The following PCDH15 variants were observed in gnomAD, a reference collection of about 807,000 sequenced individuals.
PCDH15 encodes protocadherin related 15, also known as protocadherin-15.
In PCDH15, 129 loss-of-function variants were observed where a neutral mutation model predicts 178.5. That is an observed-to-expected ratio of 0.72 (90% CI 0.63 to 0.84). PCDH15 has a LOEUF of 0.84. Ranked by LOEUF, PCDH15 falls within the 40% of genes least tolerant of loss-of-function variation. The pLI, the probability that PCDH15 is intolerant of heterozygous loss-of-function variation, is 0.00. For missense variants in PCDH15, 2,230 were observed against 2,099.9 expected (o/e 1.06, Z -1.21); for synonymous variants, 800 against 732.0 (o/e 1.09, Z -1.50).
intron 2 of PCDH15, chr10:55,468,419 T>G (rs1839885903): frequency 6.6e-6 from 1 of 152,182 alleles, no homozygotes; most frequent in Non-Finnish European, 1.5e-5. Context: ...ATTTCCTACC[T>G]CCTTGCAGGG....
intron 2 of PCDH15, among the ~76,000 whole-genome samples, chr10:55,023,954 A>G (rs1394722647): frequency 6.7e-6 from 1 of 149,412 alleles, no homozygotes. Context: ...TTACATCTGA[A>G]TCAGAGAAAG....
At chr10:54,705,372 G>A (rs1398935623) in intron 1 of PCDH15, among the ~76,000 whole-genome samples, 1 of 152,024 alleles carries the variant, frequency 6.6e-6, no homozygotes, top group Non-Finnish European at 1.5e-5. Context: ...ACTGTCATTT[G>A]AATGTGGTAG....
At chr10:54,420,041 G>GA (rs973986309) in intron 3 of PCDH15, among the ~76,000 whole-genome samples, 1 of 151,978 alleles carries the variant, frequency 6.6e-6, no homozygotes, top group Admixed American at 6.6e-5. Flanking sequence ...ATTTCACACA[G>GA]AAAAATCAAC....
rs1949514677 is a variant in PCDH15, at chr10:54,774,813, C to G, written c.-29+26112G>C. ...TAGGTAAGTCATTATTAGGGGCTTA[C>G]TACTTTCAGTACCTGACATTTACTC... On this transcript the variant is annotated intron_variant, in intron 1 of 37. Coordinates refer to ENST00000644397, the MANE Select transcript of PCDH15 (RefSeq NM_001384140.1). Among the ~76,000 whole-genome samples the G allele has an allele frequency of 2.6e-5, 4 of 152,206 alleles. No individual in the cohort carries two copies. The South Asian group carries it at 8.3e-4, about 32-fold the overall frequency.
intron 2 of PCDH15, among the ~76,000 whole-genome samples, chr10:55,590,547 T>C (rs1483828904): frequency 6.6e-6 from 1 of 152,182 alleles, no homozygotes; most frequent in African/African-American, 2.4e-5. Context: ...TAGACTTATA[T>C]GCTTCTGCCA....
intron 9 of PCDH15, among the ~76,000 whole-genome samples, chr10:54,217,988 T>G (rs746667872): frequency 9.2e-5 from 14 of 152,316 alleles, no homozygotes; most frequent in Non-Finnish European, 1.9e-4. Flanking sequence ...CAGTAATGAT[T>G]TGAAACAGAT....
At chr10:54,678,787 T>C (rs1013552649) in intron 1 of PCDH15, among the ~76,000 whole-genome samples, 10 of 152,278 alleles carry the variant, frequency 6.6e-5, no homozygotes, top group South Asian at 6.2e-4. Flanking sequence ...ATAACATCTA[T>C]ATATGGCAGG....
rs1590565372 is a variant in PCDH15, at chr10:54,617,422, T to C, written c.91+46750A>G. On this transcript the variant is annotated intron_variant, in intron 2 of 37. Coordinates refer to ENST00000644397, the MANE Select transcript of PCDH15 (RefSeq NM_001384140.1). Reference sequence around the variant, plus strand: ...CAAAGCCATCTTACTCAGAAGTAAATTATGTTAATATACAATAAAGAGAAC... The same window carrying C: ...CAAAGCCATCTTACTCAGAAGTAAACTATGTTAATATACAATAAAGAGAAC... Among the ~76,000 whole-genome samples, 4 of 152,176 alleles carry C rather than the reference T, an allele frequency of 2.6e-5. No individual in the cohort carries two copies. In the South Asian group the frequency reaches 8.3e-4, roughly 32 times the overall value.
In PCDH15 at chr10:55,415,953, C is replaced by T. The variant is rs1470183535; in HGVS notation, c.-156+211672G>A. On this transcript the variant is annotated intron_variant, in intron 2 of 5. Transcript: ENST00000613346. ...TTTTTTTTCTCAAATTTGCTTTTGT[C>T]GATAGCAAATTTCAAGTTTCAAAAA... Among the ~76,000 whole-genome samples the T allele has an allele frequency of 2.0e-5, 3 of 150,854 alleles. No individual in the cohort carries two copies. The East Asian group carries it at 5.8e-4, about 29-fold the overall frequency.
chr10:55,622,548 TC>T (rs1837428779), intron 2 of PCDH15, among the ~76,000 whole-genome samples: 1 of 152,068 alleles, frequency 6.6e-6, no homozygotes, highest in African/African-American at 2.4e-5. Flanking sequence ...TAGGATGCAG[TC>T]CAGAAACATC....
intron 3 of PCDH15, among the ~76,000 whole-genome samples, chr10:54,426,934 A>T (rs1956338386): frequency 6.6e-6 from 1 of 152,126 alleles, no homozygotes; most frequent in African/African-American, 2.4e-5. Flanking sequence ...CAAAAGCAAT[A>T]TTTGTTGAGT....
chr10:54,018,170 C>A (rs1047230564), intron 20 of PCDH15, among the ~76,000 whole-genome samples: 2 of 152,030 alleles, frequency 1.3e-5, no homozygotes, highest in African/African-American at 4.8e-5. Context: ...TTCCTTAGGA[C>A]CCTGGATACA....
At chr10:54,112,150 T>A (rs60626392) in intron 15 of PCDH15, among the ~76,000 whole-genome samples, 13,211 of 151,190 alleles carry the variant, frequency 0.087, 1,145 homozygotes, top group African/African-American at 0.22. Flanking sequence ...TCAAAATAAA[T>A]AAATAAATAA....
intron 2 of PCDH15, among the ~76,000 whole-genome samples, chr10:55,033,061 A>G (rs925815470): frequency 3.3e-5 from 5 of 152,062 alleles, no homozygotes; most frequent in Admixed American, 2.0e-4. Context: ...AGCAGAGTGC[A>G]TGAGCTGTGG....
chr10:54,349,750 G>A (rs917366025), intron 5 of PCDH15, among the ~76,000 whole-genome samples: 1 of 152,032 alleles, frequency 6.6e-6, no homozygotes, highest in African/African-American at 2.4e-5. Context: ...AAATATACTT[G>A]CTGATGAAGC....
chr10:54,548,800 T>C (rs967561948), intron 2 of PCDH15, among the ~76,000 whole-genome samples: 1 of 151,208 alleles, frequency 6.6e-6, no homozygotes, highest in African/African-American at 2.4e-5. Context: ...CTGAAGAACA[T>C]TGTAATTTTG....
intron 1 of PCDH15, among the ~76,000 whole-genome samples, chr10:55,241,001 G>A (rs1841527073): frequency 6.6e-6 from 1 of 152,160 alleles, no homozygotes; most frequent in African/African-American, 2.4e-5. Context: ...CGGATCACGA[G>A]GTCAGGAGAT....
chr10:55,596,410 A>G lies in PCDH15; in HGVS notation c.-156+31215T>C, dbSNP rs568359430. On this transcript the variant is annotated intron_variant, in intron 2 of 5. Transcript: ENST00000613346. ...TCACTGTATTTTAGAAAAATTGTAA[A>G]GTATTTCAAATAATGAGTAAAGTTT... 1.5e-4 allele frequency among the ~76,000 whole-genome samples: 23 copies of G among 152,238 alleles called. No homozygotes were observed. The South Asian group carries it at 4.8e-3, about 32-fold the overall frequency.
At chr10:54,190,753 A>G (rs1249301840) in intron 11 of PCDH15, among the ~76,000 whole-genome samples, 2 of 152,198 alleles carry the variant, frequency 1.3e-5, no homozygotes, top group Non-Finnish European at 2.9e-5. Flanking sequence ...ATAAACTAAA[A>G]TGGCTTTAAA....
Sources: allele counts gnomAD v4.1 joint callset (sites outside exome capture counted in the v4.1 genomes callset), GRCh38; gene constraint gnomAD v4.1.1; transcripts MANE v1.5; gene names NCBI Gene and HGNC (gene_info 2026-07-23, HGNC 2026-07-21).